The following SBF2 variants were observed in gnomAD, a reference collection of about 807,000 sequenced individuals.
SBF2 encodes myotubularin-related protein 13.
SBF2 carries 112 observed loss-of-function variants against 225.2 expected under a neutral mutation model. The ratio of observed to expected loss-of-function variants is 0.50; its 90% CI spans 0.43 to 0.58. The LOEUF is 0.58. Ranked by LOEUF, SBF2 falls within the 20% of genes least tolerant of loss-of-function variation. The probability of loss-of-function intolerance (pLI) is 0.00; values close to 1 mark genes in which losing one functional copy is unlikely to be tolerated. For synonymous variants in SBF2, 763 were observed against 773.3 expected (o/e 0.99, Z 0.22); for missense variants, 1,996 against 2,206.2 (o/e 0.90, Z 1.91).
chr11:9,890,926 G>C (rs1052427919), intron 17 of SBF2, among the ~76,000 whole-genome samples: 3 of 152,136 alleles, frequency 2.0e-5, no homozygotes, highest in Non-Finnish European at 4.4e-5. Flanking sequence ...CTGAGGTCAG[G>C]AGTTCAAGAC....
chr11:9,917,418 G>A (rs541707478), intron 16 of SBF2, among the ~76,000 whole-genome samples: 2 of 151,232 alleles, frequency 1.3e-5, no homozygotes, highest in East Asian at 1.9e-4. Context: ...TGCAACCTCC[G>A]CCTCCCGAGT....
intron 30 of SBF2, among the ~76,000 whole-genome samples, chr11:9,811,868 C>T (rs1854204142): frequency 6.6e-6 from 1 of 152,002 alleles, no homozygotes; most frequent in Non-Finnish European, 1.5e-5. Flanking sequence ...GTAATCACAG[C>T]TCTTTGGGAG....
chr11:9,969,299 A>C (rs1278390699), intron 13 of SBF2, among the ~76,000 whole-genome samples: 3 of 152,194 alleles, frequency 2.0e-5, no homozygotes, highest in Non-Finnish European at 4.4e-5. Flanking sequence ...ACAGCAATAC[A>C]ACAGTCTCCT....
At chr11:9,885,251 C>CAAAAAAAA (rs71453937) in intron 17 of SBF2, among the ~76,000 whole-genome samples, 2 of 38,278 alleles carry the variant, frequency 5.2e-5, no homozygotes, top group Non-Finnish European at 8.4e-5. Flanking sequence ...ACTTTTCCTC[C>CAAAAAAAA]AAAAAAAAAA....
In SBF2 at chr11:9,946,581, G is replaced by A. The variant is rs570882433; in HGVS notation, c.1860+15376C>T. Among the ~76,000 whole-genome samples the A allele has an allele frequency of 5.0e-4, 76 of 151,820 alleles. 3 individuals are homozygous for A. The South Asian group carries it at 0.015, about 30-fold the overall frequency. On this transcript the variant is annotated intron_variant, in intron 16 of 39. Transcript: ENST00000256190. ...TTCTCCTGCTTCAGCCTCCCGAGTAGCTGGGATTACAGGCATGCGCCACCA... is the reference window on the plus strand; with the variant it reads ...TTCTCCTGCTTCAGCCTCCCGAGTAACTGGGATTACAGGCATGCGCCACCA...
intron 16 of SBF2, among the ~76,000 whole-genome samples, chr11:9,906,610 A>G (rs968349489): frequency 6.6e-6 from 1 of 152,216 alleles, no homozygotes; most frequent in African/African-American, 2.4e-5. Flanking sequence ...AGGTTGAAAG[A>G]GGGAAAAAAT....
chr11:10,268,738 G>A lies in SBF2; in HGVS notation c.55+25277C>T, dbSNP rs56342948. On this transcript the variant is annotated intron_variant, in intron 1 of 39. Transcript: ENST00000256190. ...AGTTTCTCTACGGATAGCATACTGT[G>A]ATATATTTGGGCCATGCTCTCAAGG... Among the ~76,000 whole-genome samples, 5 of 152,282 alleles carry A rather than the reference G, an allele frequency of 3.3e-5. No homozygotes were observed. The South Asian group carries it at 1.0e-3, about 32-fold the overall frequency.
intron 1 of SBF2, among the ~76,000 whole-genome samples, chr11:10,202,141 T>C (rs1367339798): frequency 6.6e-6 from 1 of 152,220 alleles, no homozygotes; most frequent in Non-Finnish European, 1.5e-5. Context: ...ATGTCTTCTT[T>C]AACAGCAATG....
rs191556629 is a variant in SBF2 at position 10,065,213 on chromosome 11, G to T, written c.142-22232C>A. ...CAAAAGAAAAAATGGAAATTATTCA[G>T]AACTAAATGAAAATGAAAACAACCT... On this transcript the variant is annotated intron_variant, in intron 2 of 39. Transcript: ENST00000256190. 1.7e-3 allele frequency among the ~76,000 whole-genome samples: 258 copies of T among 152,118 alleles called. 1 individual carries two copies. The highest frequency in any genetic ancestry group is 5.9e-3 in the African/African-American group (247 of 41,526).
At chr11:10,094,997 G>A (rs962027620) in intron 2 of SBF2, among the ~76,000 whole-genome samples, 3 of 151,624 alleles carry the variant, frequency 2.0e-5, no homozygotes, top group East Asian at 3.9e-4. Context: ...AGGAACCATC[G>A]AAGCCATAAA....
chr11:9,923,496 C>G (rs778612436), intron 16 of SBF2, among the ~76,000 whole-genome samples: 1 of 152,216 alleles, frequency 6.6e-6, no homozygotes, highest in Non-Finnish European at 1.5e-5. Context: ...AGAAACATCA[C>G]GGCCACTGTT....
At chr11:10,259,778 T>G (rs1334203355) in intron 1 of SBF2, among the ~76,000 whole-genome samples, 1 of 152,124 alleles carries the variant, frequency 6.6e-6, no homozygotes, top group Non-Finnish European at 1.5e-5. Flanking sequence ...TAAGCCTACT[T>G]TATAAAATAA....
rs1370306059 is a variant in SBF2 at position 9,808,108 on chromosome 11, C to T, written c.4335G>A (p.Glu1445=). The part of the protein sequence containing the change: ...LEGFQMLVEK[E]WLSFGHKFSQ... ...TGAATTTGTGACCAAAAGAGAGCCA[C>T]TCTTTTTCAACCAACATCTGGAAGC... Residue 1445 remains glutamate, a synonymous_variant, in exon 32 of 40, where the codon GAG becomes GAA. Coordinates refer to ENST00000256190, the MANE Select transcript of SBF2 (RefSeq NM_030962.4). 5.0e-6 allele frequency: 8 copies of T among 1,614,078 alleles called. No individual in the cohort carries two copies. The highest frequency in any genetic ancestry group is 6.8e-6 in the Non-Finnish European group (8 of 1,180,044).
rs1867259445 is a variant in SBF2, at chr11:9,970,459, C to T, written c.1396-1914G>A. On this transcript the variant is annotated intron_variant, in intron 13 of 39. Transcript: ENST00000256190. Reference sequence around the variant, plus strand: ...TGACCTCGTGATCCACCCGCCTCAGCCTCCCATACATCCTCTTGACACTTA... The same window carrying T: ...TGACCTCGTGATCCACCCGCCTCAGTCTCCCATACATCCTCTTGACACTTA... 2.0e-5 allele frequency among the ~76,000 whole-genome samples: 3 copies of T among 152,130 alleles called. No individual in the cohort carries two copies. The South Asian group carries it at 6.2e-4, about 32-fold the overall frequency.
At chr11:10,213,170 G>A (rs564109655) in intron 1 of SBF2, among the ~76,000 whole-genome samples, 1 of 152,268 alleles carries the variant, frequency 6.6e-6, no homozygotes, top group Non-Finnish European at 1.5e-5. Flanking sequence ...AGCCAGTACA[G>A]TACTTTTTAA....
At chr11:10,029,902 A>ATC in intron 4 of SBF2, 27 bp from the exon 5 acceptor site, 1 of 1,426,942 alleles carries the variant, frequency 7.0e-7, no homozygotes, top group Non-Finnish European at 9.9e-7. Context: ...ACATGTAATT[A>ATC]TTTCATGGAA....
chr11:10,224,868 G>A (rs756336693), intron 1 of SBF2, among the ~76,000 whole-genome samples: 22 of 152,136 alleles, frequency 1.4e-4, no homozygotes, highest in Non-Finnish European at 2.1e-4. Context: ...CAGGCCTACA[G>A]CTCCATGAGA....
intron 2 of SBF2, among the ~76,000 whole-genome samples, chr11:10,120,880 A>C (rs2135051981): frequency 6.6e-6 from 1 of 152,262 alleles, no homozygotes; most frequent in African/African-American, 2.4e-5. Flanking sequence ...GGCCTCCCAA[A>C]GTGCTGGGAG....
chr11:10,075,727 G>A (rs1951072443), intron 2 of SBF2, among the ~76,000 whole-genome samples: 1 of 152,146 alleles, frequency 6.6e-6, no homozygotes, highest in African/African-American at 2.4e-5. Context: ...GCCAGACTGT[G>A]GAACTGTGAG....
Sources: gnomAD v4.1 joint callset for allele counts (sites outside exome capture counted in the v4.1 genomes callset) on GRCh38, gnomAD v4.1.1 for gene constraint, MANE v1.5 for transcripts, NCBI Gene and HGNC (gene_info 2026-07-23, HGNC 2026-07-21) for gene names.